The following NAV1 variants were observed in gnomAD, a reference collection of about 807,000 sequenced individuals.
NAV1 encodes neuron navigator 1.
NAV1 carries 18 observed loss-of-function variants against 175.2 expected under a neutral mutation model. That is an observed-to-expected ratio of 0.10 (90% CI 0.07 to 0.15). The LOEUF (loss-of-function observed/expected upper bound fraction) is 0.15. Among genes scored for constraint, NAV1 ranks in the 10% least tolerant of loss-of-function variants. The probability of loss-of-function intolerance (pLI) is 1.00; values close to 1 mark genes in which losing one functional copy is unlikely to be tolerated. For synonymous variants in NAV1, 897 were observed against 978.7 expected (o/e 0.92, Z 1.56); for missense variants, 1,731 against 2,436.6 (o/e 0.71, Z 6.10).
At chr1:201,814,446 C>T (rs979163012) in intron 28 of NAV1, among the ~76,000 whole-genome samples, 1 of 151,894 alleles carries the variant, frequency 6.6e-6, no homozygotes, top group Non-Finnish European at 1.5e-5. Flanking sequence ...CTTAAAACCA[C>T]CTCAGTTTTC....
At chr1:201,592,556 A>G (rs1274537587) in intron 2 of NAV1, among the ~76,000 whole-genome samples, 2 of 152,062 alleles carry the variant, frequency 1.3e-5, no homozygotes, top group African/African-American at 4.8e-5. Flanking sequence ...CACTTATTCC[A>G]TGTAAGGTGG....
At chr1:201,676,377 T>C (rs996157764) in intron 1 of NAV1, among the ~76,000 whole-genome samples, 7 of 152,180 alleles carry the variant, frequency 4.6e-5, no homozygotes, top group African/African-American at 1.7e-4. Flanking sequence ...CCCTTTCTCC[T>C]TCCCAAGACT....
At chr1:201,657,868 C>T (rs1669465007) in intron 1 of NAV1, among the ~76,000 whole-genome samples, 1 of 152,214 alleles carries the variant, frequency 6.6e-6, no homozygotes, top group Admixed American at 6.5e-5. Flanking sequence ...CCTGTCTCTA[C>T]TAAAAATACA....
intron 29 of NAV1, among the ~76,000 whole-genome samples, chr1:201,817,659 C>A (rs1679136017): frequency 1.3e-5 from 2 of 152,064 alleles, no homozygotes; most frequent in Admixed American, 6.5e-5. Context: ...TGCATCCCAG[C>A]AAGATGTATT....
At chr1:201,741,491 G>A (rs560443942) in intron 3 of NAV1, among the ~76,000 whole-genome samples, 268 of 131,850 alleles carry the variant, frequency 2.0e-3, no homozygotes, top group South Asian at 5.9e-3. Context: ...AGCTCACTGG[G>A]CCCTGGAGAA....
chr1:201,780,107 A>G (rs532141099), intron 3 of NAV1, among the ~76,000 whole-genome samples: 2 of 152,360 alleles, frequency 1.3e-5, no homozygotes, highest in East Asian at 3.9e-4. Context: ...CAGGGAGAGT[A>G]AATTGGTTTG....
chr1:201,751,497 G>A (rs983771021), intron 3 of NAV1, among the ~76,000 whole-genome samples: 2 of 152,196 alleles, frequency 1.3e-5, no homozygotes, highest in African/African-American at 4.8e-5. Flanking sequence ...AGAGAGAATG[G>A]AATTTTGTCT....
At chr1:201,789,018 C>T (rs17470776) in intron 10 of NAV1, among the ~76,000 whole-genome samples, 10,102 of 152,194 alleles carry the variant, frequency 0.066, 398 homozygotes, top group South Asian at 0.11. Context: ...ATAATAGTAG[C>T]TCTTAATAAA....
chr1:201,788,238 C>T lies in NAV1; in HGVS notation c.2996-230C>T, dbSNP rs937901977. Among the ~76,000 whole-genome samples the T allele has an allele frequency of 2.4e-4, 37 of 152,168 alleles. No individual in the cohort carries two copies. Among genetic ancestry groups the T allele is most frequent in the Non-Finnish European group, 4.9e-4 (33 of 68,018 alleles). ...GAGGGAAGGTCTTTATTCCAGACAG[C>T]AGGGTCCTTCTCCATTAGGGCTTGA... On this transcript the variant is annotated intron_variant, in intron 9 of 29. Coordinates refer to ENST00000367296, the Ensembl canonical transcript of NAV1. The surrounding 1 kb of genome is among the most constrained non-coding windows in gnomAD (Gnocchi z 5.7).
At chr1:201,754,299 T>G (rs959236940) in intron 3 of NAV1, among the ~76,000 whole-genome samples, 5 of 151,942 alleles carry the variant, frequency 3.3e-5, no homozygotes, top group Non-Finnish European at 1.5e-5. Flanking sequence ...GAGCCACATA[T>G]AATGAAAGAC....
At chr1:201,567,673 G>A (rs1178938741) in intron 1 of NAV1, among the ~76,000 whole-genome samples, 1 of 152,174 alleles carries the variant, frequency 6.6e-6, no homozygotes, top group Admixed American at 6.5e-5. Flanking sequence ...TTCCAATCCA[G>A]TGTGGCCAGG....
intron 3 of NAV1, among the ~76,000 whole-genome samples, chr1:201,745,960 C>T (rs1053505618): frequency 2.2e-4 from 33 of 151,946 alleles, no homozygotes; most frequent in African/African-American, 5.8e-4. Flanking sequence ...AGCCTCCAAG[C>T]AGCTGGGACT....
At chr1:201,602,022 T>C (rs1667528684) in intron 2 of NAV1, among the ~76,000 whole-genome samples, 1 of 152,150 alleles carries the variant, frequency 6.6e-6, no homozygotes, top group South Asian at 2.1e-4. Context: ...CGCAGGTATA[T>C]TTCCCATACC....
At chr1:201,815,904 A>G (rs1231396392) in intron 28 of NAV1, among the ~76,000 whole-genome samples, 1 of 151,924 alleles carries the variant, frequency 6.6e-6, no homozygotes, top group African/African-American at 2.4e-5. Flanking sequence ...ACGCCCGGCT[A>G]ATTTTGTATT....
exon 5 of NAV1, chr1:201,781,165 A>T: frequency 6.2e-7 from 1 of 1,614,122 alleles, no homozygotes; most frequent in Non-Finnish European, 8.5e-7. Context: ...GCGGCCTGAG[A>T]GCTGTGATGA....
At position 201,718,181 on chromosome 1, in the gene NAV1, A is replaced by G. The variant is rs751470572; in HGVS notation, c.861-209A>G. ...ACAGGATTTCTTCCCTAGCCACTTA[A>G]TTAAGATCATTTCCTTTGTCAAACA... is the stretch of plus-strand genomic sequence containing the variant. On this transcript the variant is annotated intron_variant, in intron 2 of 29. Coordinates refer to ENST00000367296, the Ensembl canonical transcript of NAV1. The surrounding 1 kb of genome is among the most constrained non-coding windows in gnomAD (Gnocchi z 4.8). Among the ~76,000 whole-genome samples the G allele has an allele frequency of 6.6e-6, 1 of 152,196 alleles. No homozygotes were observed. The highest frequency in any genetic ancestry group is 1.5e-5 in the Non-Finnish European group (1 of 68,038).
At chr1:201,655,951 G>T (rs1669388883) in intron 1 of NAV1, among the ~76,000 whole-genome samples, 1 of 152,228 alleles carries the variant, frequency 6.6e-6, no homozygotes, top group Non-Finnish European at 1.5e-5. Context: ...GGAGTTTCCA[G>T]ATTGCTCCAG....
intron 1 of NAV1, among the ~76,000 whole-genome samples, chr1:201,586,039 TCA>T (rs1667017333): frequency 6.6e-6 from 1 of 152,190 alleles, no homozygotes; most frequent in African/African-American, 2.4e-5. Context: ...GCAACATTAT[TCA>T]CCATAGCCAA....
chr1:201,709,537 C>T (rs1271184208), intron 1 of NAV1, among the ~76,000 whole-genome samples: 3 of 152,240 alleles, frequency 2.0e-5, no homozygotes, highest in African/African-American at 4.8e-5. Flanking sequence ...TGTACCACCC[C>T]GGGAATGTGT....
Sources: allele counts gnomAD v4.1 joint callset (sites outside exome capture counted in the v4.1 genomes callset), GRCh38; gene constraint gnomAD v4.1.1; non-coding constraint Gnocchi (gnomAD v3.1); transcripts MANE v1.5; gene names NCBI Gene and HGNC (gene_info 2026-07-23, HGNC 2026-07-21).